KLHL3: variants seen among roughly 807,000 people sequenced by gnomAD.
KLHL3 encodes the protein kelch like family member 3, also known as kelch-like protein 3.
A neutral mutation model predicts 70.5 loss-of-function variants in KLHL3; 19 were observed. The observed-to-expected ratio is 0.27, with a 90% CI of 0.19 to 0.40. KLHL3 has a LOEUF of 0.40. Among genes scored for constraint, KLHL3 ranks in the 10% least tolerant of loss-of-function variants. KLHL3 has a pLI of 1.00. For synonymous variants in KLHL3, 258 were observed against 290.3 expected (o/e 0.89, Z 1.13); for missense variants, 512 against 771.1 (o/e 0.66, Z 3.98).
chr5:137,628,570 TCA>T, intron 12 of KLHL3, 133 bp from the exon 13 acceptor site: 1 of 837,694 alleles, frequency 1.2e-6, no homozygotes, highest in Non-Finnish European at 1.9e-6. Flanking sequence ...TCCCTGGACC[TCA>T]GTGTCCTCAT....
rs540523188 is a variant in KLHL3 at position 137,639,744 on chromosome 5, G to A, written c.1021+116C>T. 28 of 672,346 alleles carry A rather than the reference G, an allele frequency of 4.2e-5. No individual in the cohort carries two copies. In the South Asian group the frequency reaches 4.5e-4, roughly 11 times the overall value. 41.6% of individuals were successfully genotyped at this position (672,346 alleles called of 1,614,324 possible). On this transcript the variant is annotated intron_variant, in intron 9 of 14. Transcript: ENST00000309755. The surrounding 1 kb of genome is among the most constrained non-coding windows in gnomAD (Gnocchi z 5.0). Reference sequence around the variant, plus strand: ...AAAAAAAAGTGTGCAGGAGGGAAACGAATGGGAGCCTGAAATGCACAGATG... The same window carrying A: ...AAAAAAAAGTGTGCAGGAGGGAAACAAATGGGAGCCTGAAATGCACAGATG...
At chr5:137,692,532 C>T (rs1329842908) in intron 4 of KLHL3, 85 bp from the exon 5 acceptor site, 8 of 1,328,836 alleles carry the variant, frequency 6.0e-6, no homozygotes, top group Admixed American at 1.9e-5. Flanking sequence ...CTCCCATGCT[C>T]AAGATCTTTT....
chr5:137,701,290 T>G (rs766021746), intron 3 of KLHL3, among the ~76,000 whole-genome samples: 8 of 152,144 alleles, frequency 5.3e-5, no homozygotes, highest in Non-Finnish European at 1.2e-4. Context: ...TCAGACGATC[T>G]GTCCTCCTTG....
chr5:137,639,205 G>T lies in KLHL3; in HGVS notation c.1022-55C>A. The T allele has an allele frequency of 6.5e-7, 1 of 1,540,796 alleles. No individual in the cohort carries two copies. The highest frequency in any genetic ancestry group is 8.9e-7 in the Non-Finnish European group (1 of 1,122,290). On this transcript the variant is annotated intron_variant, in intron 9 of 14. Coordinates refer to ENST00000309755, the MANE Select transcript of KLHL3 (RefSeq NM_017415.3). The surrounding 1 kb of genome is among the most constrained non-coding windows in gnomAD (Gnocchi z 5.0). The stretch of plus-strand genomic sequence containing the variant: ...TCAGGTCAGGCGCATGACTGCTCAT[G>T]TTGATGGATGGCAATGGAGGAGCAA...
intron 11 of KLHL3, among the ~76,000 whole-genome samples, 154 bp downstream of exon 11, chr5:137,637,140 T>C (rs1417084277): frequency 6.6e-6 from 1 of 152,052 alleles, no homozygotes; most frequent in East Asian, 1.9e-4. Context: ...GTCTCAACTT[T>C]CCTCATCCGC....
intron 5 of KLHL3, among the ~76,000 whole-genome samples, chr5:137,683,033 G>A (rs903421136): frequency 1.3e-5 from 2 of 152,180 alleles, no homozygotes; most frequent in East Asian, 3.9e-4. Flanking sequence ...TTAGAATGGT[G>A]TTAGCTAGTA....
chr5:137,662,099 T>TA (rs768798609), intron 6 of KLHL3, 68 bp from the exon 7 acceptor site: 4,551 of 422,484 alleles, frequency 0.011, 1 homozygote, highest in Middle Eastern at 0.017. Context: ...CCTCAATCTG[T>TA]AAAAAAAAAA....
chr5:137,682,199 A>G (rs1464338681), intron 5 of KLHL3, among the ~76,000 whole-genome samples: 4 of 151,898 alleles, frequency 2.6e-5, no homozygotes, highest in Non-Finnish European at 4.4e-5. Flanking sequence ...AGAAGCCCAG[A>G]AACTCTAAGA....
intron 2 of KLHL3, among the ~76,000 whole-genome samples, chr5:137,715,403 C>T (rs1752874415): frequency 1.3e-5 from 2 of 152,206 alleles, no homozygotes; most frequent in Non-Finnish European, 2.9e-5. Context: ...TAGCCCAGGC[C>T]TCCATAAGTA....
intron 5 of KLHL3, among the ~76,000 whole-genome samples, chr5:137,683,593 T>C (rs1480645425): frequency 6.6e-6 from 1 of 152,116 alleles, no homozygotes; most frequent in African/African-American, 2.4e-5. Context: ...GAGACCCACC[T>C]TGACCTCTTC....
chr5:137,707,336 G>A (rs1424806864), intron 3 of KLHL3, among the ~76,000 whole-genome samples: 2 of 152,124 alleles, frequency 1.3e-5, no homozygotes, highest in Non-Finnish European at 2.9e-5. Flanking sequence ...AGGAGGCTGA[G>A]GCACAAGAAT....
chr5:137,696,475 A>C (rs529309853), intron 4 of KLHL3, among the ~76,000 whole-genome samples: 2 of 152,364 alleles, frequency 1.3e-5, no homozygotes, highest in African/African-American at 4.8e-5. Flanking sequence ...TCTCCTCAAA[A>C]ATAAAATGAG....
chr5:137,709,955 C>T, intron 2 of KLHL3, 99 bp from the exon 3 acceptor site: 1 of 898,658 alleles, frequency 1.1e-6, no homozygotes. Flanking sequence ...TTCACACTAT[C>T]ACTATACAAA....
chr5:137,641,580 C>T (rs1750915126), intron 8 of KLHL3, among the ~76,000 whole-genome samples: 1 of 152,070 alleles, frequency 6.6e-6, no homozygotes, highest in African/African-American at 2.4e-5. Context: ...AGAGAAGTGC[C>T]CATCAAAATC....
Position 137,634,017 on chromosome 5 carries a change from AC to A in KLHL3, c.1450+19del, listed in dbSNP as rs1315241897. On this transcript the variant is annotated intron_variant, in intron 12 of 14. Coordinates refer to ENST00000309755, the MANE Select transcript of KLHL3 (RefSeq NM_017415.3). ...TGTGAGCAAATCAGACACAGCCAGC[AC>A]CCCGAGGTTCTCCCATACCTGCGCC... 6.2e-7 allele frequency: 1 copy of A among 1,613,870 alleles called. No homozygotes were observed. The highest frequency in any genetic ancestry group is 1.3e-5 in the African/African-American group (1 of 74,920).
chr5:137,631,359 T>G (rs1408620414), intron 12 of KLHL3, among the ~76,000 whole-genome samples: 3 of 152,222 alleles, frequency 2.0e-5, no homozygotes, highest in Non-Finnish European at 4.4e-5. Flanking sequence ...CTTCTGGTTT[T>G]CTGACAAAAA....
chr5:137,641,499 A>G (rs1750913759), intron 8 of KLHL3, among the ~76,000 whole-genome samples: 1 of 152,044 alleles, frequency 6.6e-6, no homozygotes, highest in Non-Finnish European at 1.5e-5. Flanking sequence ...TCCTGATGAT[A>G]TGCCATGAAC....
At chr5:137,714,030 C>T (rs538343700) in intron 2 of KLHL3, among the ~76,000 whole-genome samples, 1 of 141,254 alleles carries the variant, frequency 7.1e-6, no homozygotes, top group Admixed American at 7.2e-5. Context: ...CCCCCCTCCC[C>T]CAACCCCACA....
At chr5:137,702,639 G>A (rs1194894931) in intron 3 of KLHL3, among the ~76,000 whole-genome samples, 1 of 152,168 alleles carries the variant, frequency 6.6e-6, no homozygotes, top group Non-Finnish European at 1.5e-5. Context: ...TTTTATATTG[G>A]GAAAATCACT....
Sources: allele counts gnomAD v4.1 joint callset (sites outside exome capture counted in the v4.1 genomes callset), GRCh38; gene constraint gnomAD v4.1.1; non-coding constraint Gnocchi (gnomAD v3.1); transcripts MANE v1.5; gene names NCBI Gene and HGNC (gene_info 2026-07-23, HGNC 2026-07-21).